Variants in LSAMP observed in about 807,000 individuals in gnomAD.
LSAMP encodes limbic system associated membrane protein, also known as limbic system-associated membrane protein.
In LSAMP, 7 loss-of-function variants were observed where a neutral mutation model predicts 38.6. The observed-to-expected ratio is 0.18, with a 90% CI of 0.10 to 0.34. LSAMP has a LOEUF of 0.34. LSAMP is among the 10% of genes least tolerant of loss of function. The probability of loss-of-function intolerance (pLI) is 1.00; values close to 1 mark genes in which losing one functional copy is unlikely to be tolerated. For missense variants in LSAMP, 313 were observed against 420.0 expected (o/e 0.75, Z 2.23); for synonymous variants, 154 against 166.8 (o/e 0.92, Z 0.59).
At chr3:116,050,948 T>A (rs994297666) in intron 2 of LSAMP, among the ~76,000 whole-genome samples, 8 of 152,228 alleles carry the variant, frequency 5.3e-5, no homozygotes, top group Admixed American at 4.6e-4. Context: ...AGCAACAACT[T>A]CAGAATTCCA....
chr3:115,940,497 C>T (rs1039664725), intron 3 of LSAMP, among the ~76,000 whole-genome samples: 4 of 152,196 alleles, frequency 2.6e-5, no homozygotes, highest in African/African-American at 4.8e-5. Flanking sequence ...TTCTCCAAGT[C>T]CCCACCCGAC....
chr3:116,289,453 C>T (rs890170698), intron 1 of LSAMP, among the ~76,000 whole-genome samples: 1 of 152,090 alleles, frequency 6.6e-6, no homozygotes, highest in African/African-American at 2.4e-5. Context: ...CTAACATTTA[C>T]AGCATGCCTT....
chr3:116,275,642 T>C (rs1017698662), intron 1 of LSAMP, among the ~76,000 whole-genome samples: 1 of 152,154 alleles, frequency 6.6e-6, no homozygotes, highest in Admixed American at 6.5e-5. Flanking sequence ...CCAAATAATA[T>C]TCTTCCCAGA....
At chr3:116,323,371 C>A (rs2047730705) in intron 1 of LSAMP, among the ~76,000 whole-genome samples, 5 of 151,988 alleles carry the variant, frequency 3.3e-5, no homozygotes, top group Admixed American at 3.3e-4. Flanking sequence ...TTATGAGTAT[C>A]AAGTCATGGG....
intron 1 of LSAMP, among the ~76,000 whole-genome samples, chr3:116,166,342 A>AT (rs1440863142): frequency 2.0e-5 from 3 of 152,272 alleles, no homozygotes; most frequent in South Asian, 2.1e-4. Flanking sequence ...TATGATTCCT[A>AT]TTTTTTAGAT....
At chr3:116,271,199 A>G (rs2046967601) in intron 1 of LSAMP, among the ~76,000 whole-genome samples, 1 of 152,106 alleles carries the variant, frequency 6.6e-6, no homozygotes, top group South Asian at 2.1e-4. Context: ...TTTAGTATAA[A>G]AATACAAGGT....
At chr3:116,304,389 C>T (rs76825300) in intron 1 of LSAMP, among the ~76,000 whole-genome samples, 2,681 of 152,204 alleles carry the variant, frequency 0.018, 80 homozygotes, top group African/African-American at 0.061. Flanking sequence ...GACATTCAGA[C>T]ATGACGAAGA....
chr3:115,814,034 C>T (rs1171291547), intron 6 of LSAMP: 1 of 152,174 alleles, frequency 6.6e-6, no homozygotes, highest in South Asian at 2.1e-4. Flanking sequence ...CCAATCCATT[C>T]TATATGTGTG....
At chr3:116,184,165 A>G (rs1710554825) in intron 1 of LSAMP, among the ~76,000 whole-genome samples, 2 of 152,026 alleles carry the variant, frequency 1.3e-5, no homozygotes, top group South Asian at 4.1e-4. Flanking sequence ...TCATATCTTC[A>G]TCATCAGCTT....
intron 1 of LSAMP, among the ~76,000 whole-genome samples, chr3:116,112,167 A>G (rs956092293): frequency 1.3e-5 from 2 of 152,270 alleles, no homozygotes; most frequent in Non-Finnish European, 2.9e-5. Context: ...CAGAGAAATT[A>G]GAGTCCTAAA....
At chr3:116,095,910 A>T (rs1425300323) in intron 1 of LSAMP, among the ~76,000 whole-genome samples, 2 of 152,198 alleles carry the variant, frequency 1.3e-5, no homozygotes, top group Non-Finnish European at 2.9e-5. Context: ...TAGCAGAGAA[A>T]GGCAGCGTGG....
intron 1 of LSAMP, among the ~76,000 whole-genome samples, chr3:116,347,596 T>A (rs2048080300): frequency 6.6e-6 from 1 of 152,126 alleles, no homozygotes; most frequent in Non-Finnish European, 1.5e-5. Flanking sequence ...TATATTTGTT[T>A]TCATGGAATT....
intron 1 of LSAMP, among the ~76,000 whole-genome samples, chr3:116,323,039 G>T (rs1241353569): frequency 6.6e-6 from 1 of 152,056 alleles, no homozygotes; most frequent in Non-Finnish European, 1.5e-5. Context: ...GTTAAAATCT[G>T]GTACTTGGTC....
chr3:116,012,087 A>G (rs1478428136), intron 3 of LSAMP, among the ~76,000 whole-genome samples: 1 of 152,186 alleles, frequency 6.6e-6, no homozygotes, highest in Non-Finnish European at 1.5e-5. Flanking sequence ...CCATATCAAC[A>G]CAGTGTGAAT....
intron 1 of LSAMP, among the ~76,000 whole-genome samples, chr3:116,358,005 A>G (rs141487532): frequency 9.2e-5 from 14 of 152,092 alleles, no homozygotes; most frequent in Admixed American, 2.0e-4. Flanking sequence ...AAACTCATGA[A>G]GAATCTCTTT....
At chr3:115,989,363 G>A (rs9818426) in intron 3 of LSAMP, among the ~76,000 whole-genome samples, 4,997 of 152,068 alleles carry the variant, frequency 0.033, 247 homozygotes, top group African/African-American at 0.11. Context: ...TTAGTATTCC[G>A]TAAATAGTAC....
intron 2 of LSAMP, among the ~76,000 whole-genome samples, chr3:116,033,708 A>G (rs528809216): frequency 3.4e-4 from 52 of 152,190 alleles, no homozygotes; most frequent in South Asian, 1.5e-3. Flanking sequence ...TGCTTATACA[A>G]CATGATGTGT....
intron 3 of LSAMP, among the ~76,000 whole-genome samples, chr3:115,929,689 A>C (rs1006265323): frequency 6.6e-6 from 1 of 152,138 alleles, no homozygotes; most frequent in Non-Finnish European, 1.5e-5. Flanking sequence ...ATGCTATAAA[A>C]TTCTAAATAT....
intron 1 of LSAMP, among the ~76,000 whole-genome samples, chr3:116,252,850 C>G (rs1414764745): frequency 1.3e-5 from 2 of 152,206 alleles, no homozygotes; most frequent in African/African-American, 4.8e-5. Context: ...AAGTCCAACT[C>G]TGACCCCCAT....
Sources: gnomAD v4.1 joint callset for allele counts (sites outside exome capture counted in the v4.1 genomes callset) on GRCh38, gnomAD v4.1.1 for gene constraint, MANE v1.5 for transcripts, NCBI Gene and HGNC (gene_info 2026-07-23, HGNC 2026-07-21) for gene names.